Variants in NRG3 observed in about 807,000 individuals in gnomAD.
NRG3 encodes the protein pro-neuregulin-3, membrane-bound isoform.
In NRG3, 31 loss-of-function variants were observed where a neutral mutation model predicts 66.9. The observed-to-expected ratio is 0.46, with a 90% CI of 0.35 to 0.63. NRG3 has a LOEUF of 0.63. Ranked by LOEUF, NRG3 falls within the 20% of genes least tolerant of loss-of-function variation. NRG3 has a pLI of 0.00. For missense variants in NRG3, 910 were observed against 878.9 expected (o/e 1.04, Z -0.45); for synonymous variants, 393 against 359.4 (o/e 1.09, Z -1.06).
At chr10:82,462,974 A>T (rs79143798) in intron 2 of NRG3, among the ~76,000 whole-genome samples, 3,542 of 152,276 alleles carry the variant, frequency 0.023, 123 homozygotes, top group African/African-American at 0.074. Flanking sequence ...TGAACCCAAG[A>T]TGACTACATT....
At chr10:82,812,888 G>T (rs1444537624) in intron 3 of NRG3, among the ~76,000 whole-genome samples, 3 of 152,124 alleles carry the variant, frequency 2.0e-5, no homozygotes, top group African/African-American at 7.2e-5. Flanking sequence ...GACAAAATTT[G>T]AATTTCTCCT....
intron 1 of NRG3, among the ~76,000 whole-genome samples, chr10:81,894,734 C>T (rs1006837163): frequency 2.6e-5 from 4 of 152,278 alleles, no homozygotes; most frequent in African/African-American, 9.6e-5. Context: ...ACATCCTGAG[C>T]GTTCTGTCCT....
At chr10:81,898,875 TA>T (rs774659426) in intron 1 of NRG3, among the ~76,000 whole-genome samples, 2 of 152,196 alleles carry the variant, frequency 1.3e-5, no homozygotes, top group Non-Finnish European at 2.9e-5. Flanking sequence ...TAACTGTGGT[TA>T]TACAGGAAGA....
At chr10:82,941,719 G>C (rs76202522) in intron 4 of NRG3, among the ~76,000 whole-genome samples, 4,597 of 152,242 alleles carry the variant, frequency 0.03, 92 homozygotes, top group Non-Finnish European at 0.046. Context: ...ATGCTGGAGT[G>C]AAGACTCATT....
chr10:82,802,884 A>G (rs1474466660), intron 3 of NRG3, among the ~76,000 whole-genome samples: 1 of 152,076 alleles, frequency 6.6e-6, no homozygotes, highest in Non-Finnish European at 1.5e-5. Context: ...CATTTTGCCC[A>G]GGCTGGTCTC....
chr10:81,897,384 G>A (rs923683454), intron 1 of NRG3, among the ~76,000 whole-genome samples: 6 of 152,162 alleles, frequency 3.9e-5, no homozygotes, highest in African/African-American at 1.2e-4. Flanking sequence ...CTGGAGACAA[G>A]AAGCTAAGTG....
At chr10:82,613,719 G>A (rs2048455795) in intron 2 of NRG3, among the ~76,000 whole-genome samples, 1 of 150,226 alleles carries the variant, frequency 6.7e-6, no homozygotes, top group African/African-American at 2.5e-5. Flanking sequence ...TAAGTTTTAG[G>A]GTACATGTGC....
chr10:82,168,435 T>A (rs2072281093), intron 1 of NRG3, among the ~76,000 whole-genome samples: 1 of 152,136 alleles, frequency 6.6e-6, no homozygotes, highest in Non-Finnish European at 1.5e-5. Flanking sequence ...TCTACAGATG[T>A]GAAATACACT....
chr10:81,926,591 T>C (rs1203616209), intron 1 of NRG3, among the ~76,000 whole-genome samples: 1 of 152,212 alleles, frequency 6.6e-6, no homozygotes, highest in Non-Finnish European at 1.5e-5. Context: ...GACAAGTGTT[T>C]GTGTAATTAA....
chr10:82,970,776 A>G (rs1428221750), intron 6 of NRG3, among the ~76,000 whole-genome samples: 1 of 152,186 alleles, frequency 6.6e-6, no homozygotes, highest in Non-Finnish European at 1.5e-5. Context: ...TGTCCTGGTA[A>G]CAAATGTCTT....
At position 81,876,031 on chromosome 10, in the gene NRG3, A is replaced by G. The variant is rs750174931; in HGVS notation, c.691A>G (p.Thr231Ala). ...CTCCTGGCCTACTGCGGCATACGCT[A>G]CCTCCTCCTACCTTCACGATTCTAC... The part of the protein sequence containing the change: ...MPSWPTAAYA[T>A]SSYLHDSTPS... The change falls in exon 1 of 9, where the codon ACC becomes GCC. Residue 231 changes from threonine (T) to alanine (A), a missense_variant. Thr to Ala is a moderately conservative substitution (Grantham distance 58, BLOSUM62 0). Coordinates refer to ENST00000372141, the MANE Select transcript of NRG3 (RefSeq NM_001010848.4). The G allele has an allele frequency of 6.2e-7, 1 of 1,613,616 alleles. No homozygotes were observed. Among genetic ancestry groups the G allele is most frequent in the Non-Finnish European group, 8.5e-7 (1 of 1,179,992 alleles).
intron 2 of NRG3, among the ~76,000 whole-genome samples, chr10:82,625,021 T>C (rs998035016): frequency 2.0e-5 from 3 of 151,492 alleles, no homozygotes; most frequent in African/African-American, 4.8e-5. Flanking sequence ...ACGTTAAAGA[T>C]CTTTCCTATT....
intron 1 of NRG3, among the ~76,000 whole-genome samples, chr10:82,251,169 C>G (rs529493297): frequency 6.6e-6 from 1 of 152,252 alleles, no homozygotes; most frequent in African/African-American, 2.4e-5. Flanking sequence ...ATCCTATTCC[C>G]CCTGGCACTT....
chr10:82,102,553 T>G (rs1165922041), intron 1 of NRG3, among the ~76,000 whole-genome samples: 1 of 151,690 alleles, frequency 6.6e-6, no homozygotes, highest in African/African-American at 2.4e-5. Context: ...TCCTGCTTTT[T>G]GGGGGCATTA....
At chr10:82,608,978 A>T (rs180979458) in intron 2 of NRG3, among the ~76,000 whole-genome samples, 3 of 152,244 alleles carry the variant, frequency 2.0e-5, no homozygotes, top group Admixed American at 1.3e-4. Context: ...TACAGTTTAA[A>T]TGTTCCTACC....
intron 1 of NRG3, among the ~76,000 whole-genome samples, chr10:82,171,440 C>T (rs1435939754): frequency 6.6e-6 from 1 of 151,974 alleles, no homozygotes; most frequent in Admixed American, 6.6e-5. Flanking sequence ...CTTAGTTGCT[C>T]TCTGATAGAT....
At chr10:82,140,984 CACAT>C (rs1223888641) in intron 1 of NRG3, among the ~76,000 whole-genome samples, 1 of 151,846 alleles carries the variant, frequency 6.6e-6, no homozygotes, top group African/African-American at 2.4e-5. Flanking sequence ...TGTATATATG[CACAT>C]ACATATATTC....
At chr10:82,652,181 G>A (rs2051470157) in intron 2 of NRG3, among the ~76,000 whole-genome samples, 1 of 152,150 alleles carries the variant, frequency 6.6e-6, no homozygotes, top group South Asian at 2.1e-4. Context: ...ACTCCATTGT[G>A]GGCCCTGCAG....
intron 7 of NRG3, among the ~76,000 whole-genome samples, chr10:82,974,645 A>C (rs1290520430): frequency 6.6e-6 from 1 of 152,198 alleles, no homozygotes; most frequent in Non-Finnish European, 1.5e-5. Flanking sequence ...CCGAAGACTT[A>C]AGCTTCCTTT....
Sources: gnomAD v4.1 joint callset for allele counts (sites outside exome capture counted in the v4.1 genomes callset) on GRCh38, gnomAD v4.1.1 for gene constraint, MANE v1.5 for transcripts, NCBI Gene and HGNC (gene_info 2026-07-23, HGNC 2026-07-21) for gene names.